The following ZFHX3 variants were observed in gnomAD, a reference collection of about 807,000 sequenced individuals.
ZFHX3 encodes the protein zinc finger homeobox protein 3.
A neutral mutation model predicts 279.1 loss-of-function variants in ZFHX3; 42 were observed. The observed-to-expected ratio is 0.15, with a 90% CI of 0.12 to 0.19. ZFHX3 has a LOEUF of 0.19. Ranked by LOEUF, ZFHX3 falls within the 10% of genes least tolerant of loss-of-function variation. ZFHX3 has a pLI of 1.00. For synonymous variants in ZFHX3, 2,293 were observed against 1,957.8 expected, an observed-to-expected ratio of 1.17 and a Z score of -4.52; for missense variants, 4,981 against 4,754.0, an observed-to-expected ratio of 1.05 and a Z score of -1.40.
Position 73,788,111 on chromosome 16 carries a change from G to A in ZFHX3, c.-1608+103540C>T, listed in dbSNP as rs1259014287. Among the ~76,000 whole-genome samples, 5 of 152,132 alleles carry A rather than the reference G, an allele frequency of 3.3e-5. No homozygotes were observed. The East Asian group carries it at 9.6e-4, about 29-fold the overall frequency. ...GATCTGAAGGTGCCACCAGAACCTG[G>A]CAAGAACAGTAGCTGTAGGAGAAGG... is the stretch of plus-strand genomic sequence containing the variant. On this transcript the variant is annotated intron_variant, in intron 1 of 17. Transcript: ENST00000641206.
At chr16:73,622,135 A>G (rs1278531176) in intron 2 of ZFHX3, among the ~76,000 whole-genome samples, 1 of 152,218 alleles carries the variant, frequency 6.6e-6, no homozygotes, top group Non-Finnish European at 1.5e-5. Flanking sequence ...TATGACACAG[A>G]CAGGCGTCTT....
At chr16:73,516,985 G>C (rs564079385) in intron 2 of ZFHX3, among the ~76,000 whole-genome samples, 1 of 152,112 alleles carries the variant, frequency 6.6e-6, no homozygotes, top group African/African-American at 2.4e-5. Context: ...ACAGAAAAAC[G>C]CATGATCAAC....
At chr16:73,541,799 T>C (rs955687329) in intron 2 of ZFHX3, among the ~76,000 whole-genome samples, 2 of 124,096 alleles carry the variant, frequency 1.6e-5, no homozygotes, top group Non-Finnish European at 3.2e-5. Flanking sequence ...TTTTTTTTTT[T>C]TTTTTTTTTT....
chr16:72,788,067 G>A lies in ZFHX3; in HGVS notation c.10209C>T (p.Val3403=), dbSNP rs779040466. 13 of 1,611,806 alleles carry A rather than the reference G, an allele frequency of 8.1e-6. No individual in the cohort carries two copies. The highest frequency in any genetic ancestry group is 5.0e-5 in the Admixed American group (3 of 59,990). Reference sequence around the variant, plus strand: ...TGTCTGGGGAAGGAGCCCCGGGGGGGACTGGGGTTTGGCTTGCTTTGGGCT... The same window carrying A: ...TGTCTGGGGAAGGAGCCCCGGGGGGAACTGGGGTTTGGCTTGCTTTGGGCT... ...QQQPKASQTP[V]PPGAPSPDKD... The change falls in exon 10 of 10, where the codon GTC becomes GTT. Residue 3403 remains valine, a synonymous_variant. Transcript: ENST00000268489.
intron 1 of ZFHX3, among the ~76,000 whole-genome samples, chr16:73,022,947 G>A (rs1443850771): frequency 6.6e-6 from 1 of 152,076 alleles, no homozygotes; most frequent in Non-Finnish European, 1.5e-5. Flanking sequence ...ATAGTATGTG[G>A]CCAGGTGCAG....
In ZFHX3 at chr16:73,058,456, G is replaced by A. The variant is rs1416517423; in HGVS notation, c.-24+74C>T. On this transcript the variant is annotated intron_variant, in intron 1 of 8. Transcript: ENST00000397992. ...CCGAGGAGCCCCGCGTCCGGGCGGTGGCGGCGGGAGGAGGAGGAGGAGCAG... is the reference window on the plus strand; with the variant it reads ...CCGAGGAGCCCCGCGTCCGGGCGGTAGCGGCGGGAGGAGGAGGAGGAGCAG... 1.1e-4 allele frequency: 19 copies of A among 180,712 alleles called. No homozygotes were observed. The East Asian group carries it at 2.3e-3, about 22-fold the overall frequency. The allele number at this position is 180,712 out of a possible 1,614,324, so 11.2% of individuals were successfully genotyped here.
At chr16:73,890,408 G>C (rs1207252706) in intron 1 of ZFHX3, among the ~76,000 whole-genome samples, 1 of 152,120 alleles carries the variant, frequency 6.6e-6, no homozygotes, top group African/African-American at 2.4e-5. Context: ...CTGAGAATTT[G>C]CTTTGTTCAG....
chr16:73,203,293 G>A (rs2011674057), intron 5 of ZFHX3, among the ~76,000 whole-genome samples: 1 of 152,186 alleles, frequency 6.6e-6, no homozygotes, highest in African/African-American at 2.4e-5. Context: ...AGGAAGGAAG[G>A]ATGACTTAAT....
intron 3 of ZFHX3, among the ~76,000 whole-genome samples, chr16:73,368,402 G>A (rs574737371): frequency 1.3e-5 from 2 of 152,304 alleles, no homozygotes; most frequent in East Asian, 3.9e-4. Flanking sequence ...TGCTTCCAAA[G>A]AGTGTGAATT....
chr16:73,674,192 T>C (rs1439801201), intron 2 of ZFHX3, among the ~76,000 whole-genome samples: 1 of 152,138 alleles, frequency 6.6e-6, no homozygotes, highest in Non-Finnish European at 1.5e-5. Flanking sequence ...AGTTTTCATA[T>C]ACAGAAAAGT....
intron 5 of ZFHX3, among the ~76,000 whole-genome samples, chr16:73,178,186 G>A (rs932169799): frequency 5.3e-5 from 8 of 151,892 alleles, no homozygotes; most frequent in South Asian, 2.1e-4. Flanking sequence ...GTCTCACTCC[G>A]GAGTACAGTG....
intron 4 of ZFHX3, 140 bp downstream of exon 4, chr16:72,889,591 T>C (rs543800111): frequency 2.4e-5 from 18 of 745,666 alleles, no homozygotes; most frequent in Admixed American, 9.0e-5. Context: ...CAAAACACAA[T>C]GCTCACCTGT....
At chr16:73,733,172 G>A (rs1324546739) in intron 1 of ZFHX3, among the ~76,000 whole-genome samples, 1 of 152,178 alleles carries the variant, frequency 6.6e-6, no homozygotes. Context: ...TACAAAGTGT[G>A]TGTTGGCATT....
At chr16:73,210,096 T>C (rs2011957476) in intron 5 of ZFHX3, among the ~76,000 whole-genome samples, 1 of 152,232 alleles carries the variant, frequency 6.6e-6, no homozygotes, top group Non-Finnish European at 1.5e-5. Flanking sequence ...ATTCTGGCTA[T>C]GTTTGCATGC....
At chr16:73,613,918 C>G (rs989041922) in intron 2 of ZFHX3, among the ~76,000 whole-genome samples, 1 of 152,234 alleles carries the variant, frequency 6.6e-6, no homozygotes, top group Non-Finnish European at 1.5e-5. Flanking sequence ...CCTCTGGCAT[C>G]TGAACCCTAA....
intron 3 of ZFHX3, among the ~76,000 whole-genome samples, chr16:73,320,698 C>T (rs2015558099): frequency 6.6e-6 from 1 of 152,138 alleles, no homozygotes. Context: ...TCTGTCATCC[C>T]ATTGAAGGCT....
At chr16:73,264,828 T>A (rs1487062720) in intron 4 of ZFHX3, among the ~76,000 whole-genome samples, 3 of 152,122 alleles carry the variant, frequency 2.0e-5, no homozygotes, top group Admixed American at 2.0e-4. Context: ...ATGAGAACAA[T>A]GTTTGGTTTT....
chr16:73,068,259 C>CG (rs1965779647), intron 8 of ZFHX3, among the ~76,000 whole-genome samples: 1 of 152,202 alleles, frequency 6.6e-6, no homozygotes, highest in Non-Finnish European at 1.5e-5. Context: ...ATTTCTATTA[C>CG]ACCAGTTGCC....
At chr16:73,033,896 C>T (rs1394560693) in intron 1 of ZFHX3, among the ~76,000 whole-genome samples, 2 of 152,172 alleles carry the variant, frequency 1.3e-5, no homozygotes, top group Non-Finnish European at 2.9e-5. Flanking sequence ...AGTGAGAAGA[C>T]TCCAGGACTT....
Sources: gnomAD v4.1 joint callset for allele counts (sites outside exome capture counted in the v4.1 genomes callset) on GRCh38, gnomAD v4.1.1 for gene constraint, MANE v1.5 for transcripts, NCBI Gene and HGNC (gene_info 2026-07-23, HGNC 2026-07-21) for gene names.